The following TBC1D19 variants were observed in gnomAD, a reference collection of about 807,000 sequenced individuals.
The protein encoded by TBC1D19 is TBC1 domain family, member 19.
In TBC1D19, 60 loss-of-function variants were observed where a neutral mutation model predicts 89.0. That is an observed-to-expected ratio of 0.67 (90% CI 0.55 to 0.84). TBC1D19 has a LOEUF of 0.84. Ranked by LOEUF, TBC1D19 falls within the 40% of genes least tolerant of loss-of-function variation. The pLI is 0.00. For missense variants in TBC1D19, 500 were observed against 610.8 expected (o/e 0.82, Z 1.91); for synonymous variants, 189 against 199.7 (o/e 0.95, Z 0.45).
At chr4:26,829,347 T>G in the TBC1D19 span, among the ~76,000 whole-genome samples, 1 of 152,328 alleles carries the variant, frequency 6.6e-6, no homozygotes, top group East Asian at 1.9e-4. Flanking sequence ...AAAACACATT[T>G]CAGATTTAGA....
chr4:26,786,485 T>C, the TBC1D19 span, among the ~76,000 whole-genome samples: 1 of 151,848 alleles, frequency 6.6e-6, no homozygotes. Context: ...ATACAAAAAA[T>C]TAGCCAGGCA....
At chr4:26,657,758 A>G (rs938509414) in intron 7 of TBC1D19, among the ~76,000 whole-genome samples, 8 of 152,108 alleles carry the variant, frequency 5.3e-5, no homozygotes, top group African/African-American at 1.9e-4. Flanking sequence ...TTGTTTCCTG[A>G]CTTTTTAATG....
At chr4:26,653,432 A>C (rs912977362) in intron 7 of TBC1D19, among the ~76,000 whole-genome samples, 1 of 152,068 alleles carries the variant, frequency 6.6e-6, no homozygotes, top group African/African-American at 2.4e-5. Flanking sequence ...TATCCTTGTT[A>C]ACGTTCTGTC....
the TBC1D19 span, among the ~76,000 whole-genome samples, chr4:26,834,042 G>A: frequency 2.6e-5 from 4 of 152,178 alleles, no homozygotes; most frequent in African/African-American, 9.7e-5. Context: ...GTGATAGTCA[G>A]TGAGTTCTTA....
upstream of TBC1D19, chr4:26,584,048 C>T: frequency 1.4e-6 from 1 of 732,644 alleles, no homozygotes; most frequent in Middle Eastern, 3.9e-4. Flanking sequence ...ACACAAGGCT[C>T]GGCAGTTGCC....
intron 15 of TBC1D19, among the ~76,000 whole-genome samples, chr4:26,731,909 A>T (rs964681452): frequency 6.6e-6 from 1 of 152,168 alleles, no homozygotes; most frequent in Non-Finnish European, 1.5e-5. Flanking sequence ...AAGGAAGTAA[A>T]GGAAGTCAAT....
the TBC1D19 span, among the ~76,000 whole-genome samples, chr4:26,808,096 G>A: frequency 2.6e-5 from 4 of 152,344 alleles, no homozygotes; most frequent in East Asian, 1.9e-4. Context: ...AAGAGACATC[G>A]TCATGCCGTC....
chr4:26,744,967 G>T (rs1374038027), intron 18 of TBC1D19, among the ~76,000 whole-genome samples: 2 of 152,090 alleles, frequency 1.3e-5, no homozygotes, highest in Non-Finnish European at 2.9e-5. Context: ...AATGTGATCA[G>T]CTCTAATTAT....
chr4:26,809,916 G>A, the TBC1D19 span, among the ~76,000 whole-genome samples: 1 of 152,184 alleles, frequency 6.6e-6, no homozygotes, highest in Non-Finnish European at 1.5e-5. Flanking sequence ...TGAATAACCA[G>A]ATGTGGCAGA....
intron 13 of TBC1D19, among the ~76,000 whole-genome samples, chr4:26,693,622 G>C (rs1714488405): frequency 6.6e-6 from 1 of 151,816 alleles, no homozygotes; most frequent in Non-Finnish European, 1.5e-5. Flanking sequence ...TTTTGCCCAG[G>C]AGGTCAAGGC....
chr4:26,842,642 T>TTCTC, the TBC1D19 span, among the ~76,000 whole-genome samples: 1 of 147,304 alleles, frequency 6.8e-6, no homozygotes, highest in African/African-American at 2.6e-5. Context: ...CTTTCTTTCT[T>TTCTC]TCTTTTTCTT....
chr4:26,626,913 A>C (rs1223347166), intron 4 of TBC1D19, among the ~76,000 whole-genome samples: 1 of 143,462 alleles, frequency 7.0e-6, no homozygotes, highest in African/African-American at 2.6e-5. Flanking sequence ...TTATACTTTA[A>C]GTTTCAGGGT....
rs1224183771 is a variant in TBC1D19, at chr4:26,677,263, T to TA, written c.816+3384dup. Among the ~76,000 whole-genome samples, 9 of 150,474 alleles carry TA rather than the reference T, an allele frequency of 6.0e-5. No homozygotes were observed. In the East Asian group the frequency reaches 9.7e-4, roughly 16 times the overall value. On this transcript the variant is annotated intron_variant, in intron 11 of 20. Coordinates refer to ENST00000264866, the MANE Select transcript of TBC1D19 (RefSeq NM_018317.4). ...AAATACCATCATTTCTTGCCTGGAT[T>TA]AAAAAAAAACAAAACCTTCTACCTT...
intron 18 of TBC1D19, among the ~76,000 whole-genome samples, chr4:26,743,165 C>T (rs1325960860): frequency 1.3e-5 from 2 of 151,928 alleles, no homozygotes; most frequent in Admixed American, 6.5e-5. Context: ...TTCTATCTCT[C>T]TCTTTTAAAA....
intron 4 of TBC1D19, among the ~76,000 whole-genome samples, chr4:26,625,896 T>G (rs1167949251): frequency 6.6e-6 from 1 of 152,124 alleles, no homozygotes; most frequent in Non-Finnish European, 1.5e-5. Flanking sequence ...TGAGGTAGTA[T>G]TTGTGAGCCT....
At chr4:26,637,107 T>C (rs773897275) in intron 4 of TBC1D19, 104 bp from the exon 5 acceptor site, 8 of 803,004 alleles carry the variant, frequency 1.0e-5, no homozygotes, top group Non-Finnish European at 1.6e-5. Context: ...ATAACCAATC[T>C]CAACCAGCCT....
At chr4:26,783,856 G>A in the TBC1D19 span, among the ~76,000 whole-genome samples, 57 of 152,188 alleles carry the variant, frequency 3.7e-4, no homozygotes, top group East Asian at 0.011. Context: ...AGGCCACCAT[G>A]CATCTTAGGC....
At chr4:26,676,913 G>A (rs1387430513) in intron 11 of TBC1D19, among the ~76,000 whole-genome samples, 1 of 151,986 alleles carries the variant, frequency 6.6e-6, no homozygotes, top group Non-Finnish European at 1.5e-5. Flanking sequence ...ACATTCCTTA[G>A]CAAATATTAC....
chr4:26,631,177 C>A (rs1742788900), intron 4 of TBC1D19, among the ~76,000 whole-genome samples: 1 of 151,932 alleles, frequency 6.6e-6, no homozygotes, highest in Non-Finnish European at 1.5e-5. Context: ...ACTTTTCTTT[C>A]CTTATGTTTA....
Sources: gnomAD v4.1 joint callset for allele counts (sites outside exome capture counted in the v4.1 genomes callset) on GRCh38, gnomAD v4.1.1 for gene constraint, MANE v1.5 for transcripts, NCBI Gene and HGNC (gene_info 2026-07-23, HGNC 2026-07-21) for gene names.